KCNIP4: variants seen among roughly 807,000 people sequenced by gnomAD.
KCNIP4 encodes Kv channel-interacting protein 4.
A neutral mutation model predicts 34.0 loss-of-function variants in KCNIP4; 12 were observed. That is an observed-to-expected ratio of 0.35 (90% CI 0.23 to 0.57). The LOEUF (loss-of-function observed/expected upper bound fraction) is 0.57. KCNIP4 is among the 20% of genes least tolerant of loss of function. KCNIP4 has a pLI of 0.83. For missense variants in KCNIP4, 238 were observed against 311.7 expected, an observed-to-expected ratio of 0.76 and a Z score of 1.78; for synonymous variants, 124 against 102.2, an observed-to-expected ratio of 1.21 and a Z score of -1.29.
chr4:21,818,611 A>G (rs1179862938), intron 1 of KCNIP4, among the ~76,000 whole-genome samples: 4 of 152,250 alleles, frequency 2.6e-5, no homozygotes, highest in Non-Finnish European at 5.9e-5. Flanking sequence ...GCTACATGTG[A>G]GCACTGGCTA....
At chr4:21,330,566 G>T (rs191252635) in intron 1 of KCNIP4, among the ~76,000 whole-genome samples, 1 of 152,228 alleles carries the variant, frequency 6.6e-6, no homozygotes, top group East Asian at 1.9e-4. Context: ...AAAGCTTTGT[G>T]TATTAATTCT....
At chr4:21,472,116 G>C (rs762850388) in intron 1 of KCNIP4, among the ~76,000 whole-genome samples, 14 of 152,172 alleles carry the variant, frequency 9.2e-5, no homozygotes, top group Non-Finnish European at 2.1e-4. Flanking sequence ...ATAATGTAGA[G>C]TTGTTGCTGG....
At chr4:21,037,986 T>C (rs1192676338) in intron 1 of KCNIP4, among the ~76,000 whole-genome samples, 10 of 152,138 alleles carry the variant, frequency 6.6e-5, no homozygotes, top group Admixed American at 6.5e-4. Flanking sequence ...TTTGTTTTTG[T>C]TTTTGTTTTT....
At chr4:21,660,837 A>T (rs193007073) in intron 1 of KCNIP4, among the ~76,000 whole-genome samples, 2 of 152,278 alleles carry the variant, frequency 1.3e-5, no homozygotes, top group East Asian at 1.9e-4. Context: ...ACTTATATAT[A>T]TCTCATTTTG....
intron 1 of KCNIP4, among the ~76,000 whole-genome samples, chr4:21,152,781 G>A (rs962183589): frequency 3.9e-5 from 6 of 152,134 alleles, no homozygotes; most frequent in Admixed American, 1.3e-4. Flanking sequence ...CAGATGAGCC[G>A]CGGCATTAGA....
intron 1 of KCNIP4, among the ~76,000 whole-genome samples, chr4:21,494,647 C>T (rs1732699180): frequency 1.3e-5 from 2 of 151,772 alleles, no homozygotes; most frequent in African/African-American, 4.8e-5. Context: ...GTGGTGCATG[C>T]CTGTAGTCCC....
intron 1 of KCNIP4, among the ~76,000 whole-genome samples, chr4:20,935,261 G>A (rs1354214893): frequency 6.6e-6 from 1 of 152,148 alleles, no homozygotes; most frequent in East Asian, 1.9e-4. Context: ...TGATTGATGG[G>A]GAAGATGAGG....
intron 1 of KCNIP4, among the ~76,000 whole-genome samples, chr4:21,305,786 G>T (rs1272886633): frequency 1.3e-5 from 2 of 152,106 alleles, no homozygotes; most frequent in Admixed American, 6.5e-5. Context: ...TATCTATTTA[G>T]AAAAACCTTC....
chr4:20,904,586 A>G (rs1727532325), intron 1 of KCNIP4, among the ~76,000 whole-genome samples: 1 of 152,116 alleles, frequency 6.6e-6, no homozygotes, highest in African/African-American at 2.4e-5. Context: ...ACACCTAACC[A>G]ATGCACAGCA....
intron 1 of KCNIP4, among the ~76,000 whole-genome samples, chr4:21,416,431 G>C (rs115848026): frequency 0.022 from 3,305 of 152,132 alleles, 125 homozygotes; most frequent in African/African-American, 0.075. Flanking sequence ...GTGATTGATA[G>C]CTATTAAATT....
At chr4:21,090,285 A>G (rs531999302) in intron 1 of KCNIP4, among the ~76,000 whole-genome samples, 1 of 152,338 alleles carries the variant, frequency 6.6e-6, no homozygotes, top group Admixed American at 6.5e-5. Flanking sequence ...TGCCAGTGCC[A>G]TATACCACAG....
At chr4:21,314,170 G>A (rs1287118046) in intron 1 of KCNIP4, among the ~76,000 whole-genome samples, 2 of 152,128 alleles carry the variant, frequency 1.3e-5, no homozygotes, top group East Asian at 1.9e-4. Flanking sequence ...TCTGCAATGT[G>A]GTAGGTTGCT....
At chr4:21,080,027 GC>G (rs1745862315) in intron 1 of KCNIP4, among the ~76,000 whole-genome samples, 1 of 151,842 alleles carries the variant, frequency 6.6e-6, no homozygotes. Flanking sequence ...GTAAATTTGT[GC>G]TGTTTTAAGC....
chr4:21,659,376 A>G (rs1323823472), intron 1 of KCNIP4, among the ~76,000 whole-genome samples: 1 of 152,154 alleles, frequency 6.6e-6, no homozygotes, highest in Non-Finnish European at 1.5e-5. Context: ...GATGAAGCTA[A>G]CAGATGCATA....
intron 2 of KCNIP4, among the ~76,000 whole-genome samples, chr4:20,867,047 T>A (rs1235650667): frequency 6.6e-6 from 1 of 152,012 alleles, no homozygotes; most frequent in African/African-American, 2.4e-5. Flanking sequence ...TCTTGTAGAC[T>A]GAAAGAATCA....
chr4:21,553,316 A>G (rs1044131835), intron 1 of KCNIP4, among the ~76,000 whole-genome samples: 1 of 152,160 alleles, frequency 6.6e-6, no homozygotes, highest in African/African-American at 2.4e-5. Context: ...ATTGAAATCA[A>G]TGACAGCAGC....
chr4:21,440,113 C>G (rs74739383), intron 1 of KCNIP4, among the ~76,000 whole-genome samples: 6,676 of 152,288 alleles, frequency 0.044, 183 homozygotes, highest in Non-Finnish European at 0.07. Flanking sequence ...CTAGCCAAAA[C>G]AATTAGGGTG....
At chr4:21,905,178 G>T (rs1035723885) in intron 1 of KCNIP4, among the ~76,000 whole-genome samples, 2 of 152,110 alleles carry the variant, frequency 1.3e-5, no homozygotes, top group African/African-American at 4.8e-5. Flanking sequence ...TGGACCTTGG[G>T]TATAAGGTGA....
At chr4:21,617,450 C>T (rs182065787) in intron 1 of KCNIP4, among the ~76,000 whole-genome samples, 2 of 152,166 alleles carry the variant, frequency 1.3e-5, no homozygotes, top group East Asian at 1.9e-4. Context: ...TTAGAGGACA[C>T]GTTTTCCTTT....
Sources: gnomAD v4.1 joint callset for allele counts (sites outside exome capture counted in the v4.1 genomes callset) on GRCh38, gnomAD v4.1.1 for gene constraint, MANE v1.5 for transcripts, NCBI Gene and HGNC (gene_info 2026-07-23, HGNC 2026-07-21) for gene names.